TTC28: variants seen among roughly 807,000 people sequenced by gnomAD.
The protein encoded by TTC28 is tetratricopeptide repeat domain 28.
Under a neutral mutation model 198.0 loss-of-function variants are expected in TTC28, and 61 were observed. That is an observed-to-expected ratio of 0.31 (90% CI 0.25 to 0.38). The LOEUF is 0.38. TTC28 is among the 10% of genes least tolerant of loss of function. TTC28 has a pLI of 1.00. For synonymous variants in TTC28, 1,171 were observed against 1,297.8 expected, an observed-to-expected ratio of 0.90 and a Z score of 2.10; for missense variants, 2,678 against 3,164.0, an observed-to-expected ratio of 0.85 and a Z score of 3.69.
chr22:28,027,137 C>A (rs1180223944), intron 13 of TTC28, among the ~76,000 whole-genome samples: 1 of 152,146 alleles, frequency 6.6e-6, no homozygotes, highest in African/African-American at 2.4e-5. Context: ...CCTGCACATA[C>A]AAATACATAC....
At chr22:28,654,844 A>G (rs575069274) in intron 1 of TTC28, among the ~76,000 whole-genome samples, 12 of 152,320 alleles carry the variant, frequency 7.9e-5, no homozygotes, top group African/African-American at 2.9e-4. Flanking sequence ...TGACCTAGTC[A>G]CTTTTTAGGA....
At chr22:28,108,447 A>T (rs559770094) in intron 6 of TTC28, 44 bp from the exon 7 acceptor site, 1 of 1,380,940 alleles carries the variant, frequency 7.2e-7, no homozygotes, top group African/African-American at 1.5e-5. Context: ...GAAATAACTG[A>T]TTTGCAATGT....
At position 28,135,721 on chromosome 22, in the gene TTC28, G is replaced by A. The variant is rs151109435; in HGVS notation, c.1442-27318C>T. Among the ~76,000 whole-genome samples, 213 of 152,326 alleles carry A rather than the reference G, an allele frequency of 1.4e-3. 1 individual carries two copies. Among genetic ancestry groups the A allele is most frequent in the African/African-American group, 4.8e-3 (198 of 41,568 alleles). On this transcript the variant is annotated intron_variant, in intron 6 of 22. Coordinates refer to ENST00000397906, the MANE Select transcript of TTC28 (RefSeq NM_001145418.2). ...TACCTAAGAGAAGCAGGAAGAACAT[G>A]TGAAGCCAAGTTGGAAAGTGAAGGG... is the stretch of plus-strand genomic sequence containing the variant.
intron 2 of TTC28, among the ~76,000 whole-genome samples, chr22:28,355,056 G>A (rs2046055118): frequency 7.1e-6 from 1 of 141,490 alleles, no homozygotes; most frequent in Non-Finnish European, 1.5e-5. Context: ...AAAATAATAG[G>A]CAGTTGAAGA....
chr22:28,498,222 T>C (rs1307830449), intron 2 of TTC28, among the ~76,000 whole-genome samples: 1 of 151,696 alleles, frequency 6.6e-6, no homozygotes, highest in Non-Finnish European at 1.5e-5. Flanking sequence ...GAGGAGCCTA[T>C]CTTCCTTTAA....
rs996899340 is a variant in TTC28, at chr22:28,105,642, G to A, written c.2944C>T (p.Arg982Cys). ...NYEQAISCLERQLNIARDMKD... is the reference protein window; with the variant it reads ...NYEQAISCLECQLNIARDMKD... The stretch of plus-strand genomic sequence containing the variant: ...ATATCTCTAGCAATGTTCAGCTGGC[G>A]TTCAAGGCAGGAAATGGCTTGTTCG... Residue 982 changes from arginine to cysteine, a missense_variant, in exon 8 of 23, where the codon CGC becomes TGC. Transcript: ENST00000397906. 9.7e-6 allele frequency: 15 copies of A among 1,551,964 alleles called. No individual in the cohort carries two copies. The highest frequency in any genetic ancestry group is 1.4e-5 in the African/African-American group (1 of 73,030).
At chr22:28,088,929 G>T (rs1240644907) in intron 12 of TTC28, among the ~76,000 whole-genome samples, 1 of 152,178 alleles carries the variant, frequency 6.6e-6, no homozygotes, top group Non-Finnish European at 1.5e-5. Context: ...ACCATCACTG[G>T]CCATCAGAGA....
chr22:28,551,389 A>G (rs184973888), intron 2 of TTC28, among the ~76,000 whole-genome samples: 2 of 152,318 alleles, frequency 1.3e-5, no homozygotes. Flanking sequence ...TGAAGTCAGT[A>G]TAACCCTAAT....
rs1453115131 is a variant in TTC28, at chr22:28,458,502, G to A, written c.382-151859C>T. 4.6e-5 allele frequency among the ~76,000 whole-genome samples: 7 copies of A among 152,114 alleles called. 2 individuals carry two copies. Among genetic ancestry groups the A allele is most frequent in the Non-Finnish European group, 2.9e-5 (2 of 68,024 alleles). On this transcript the variant is annotated intron_variant, in intron 2 of 22. Transcript: ENST00000397906. ...AAGTTCTTAAACAAATCAGAATGTG[G>A]TAAAGACAAAAACATCTAAGATATG...
rs142155826 is a variant in TTC28 at position 28,606,266 on chromosome 22, T to C, written c.381+23286A>G. The stretch of plus-strand genomic sequence containing the variant: ...GCATGGCTTTTTCTTTTCTTTTTTA[T>C]CTTTAGTAGAGATGGGGTTTCACCA... On this transcript the variant is annotated intron_variant, in intron 2 of 22. Coordinates refer to ENST00000397906, the MANE Select transcript of TTC28 (RefSeq NM_001145418.2). Among the ~76,000 whole-genome samples, 1,463 of 152,040 alleles carry C rather than the reference T, an allele frequency of 9.6e-3. 25 individuals carry two copies. The highest frequency in any genetic ancestry group is 0.033 in the African/African-American group (1,364 of 41,466).
intron 3 of TTC28, among the ~76,000 whole-genome samples, chr22:28,303,237 T>C (rs1208142730): frequency 6.6e-6 from 1 of 152,216 alleles, no homozygotes; most frequent in Non-Finnish European, 1.5e-5. Flanking sequence ...AATAGTATGC[T>C]ACAACACCCA....
chr22:28,403,401 G>A (rs967654001), intron 2 of TTC28, among the ~76,000 whole-genome samples: 8 of 152,178 alleles, frequency 5.3e-5, no homozygotes, highest in Non-Finnish European at 1.5e-5. Context: ...GAATGGGCAG[G>A]TGGATTCCAT....
At chr22:28,529,403 G>T (rs1016574334) in intron 2 of TTC28, among the ~76,000 whole-genome samples, 3 of 152,200 alleles carry the variant, frequency 2.0e-5, no homozygotes, top group Non-Finnish European at 2.9e-5. Flanking sequence ...AAACAAAGTG[G>T]CCTGGAAGCT....
At chr22:28,110,431 G>A (rs965510770) in intron 6 of TTC28, among the ~76,000 whole-genome samples, 2 of 152,164 alleles carry the variant, frequency 1.3e-5, no homozygotes, top group Non-Finnish European at 2.9e-5. Context: ...AATAATGTAT[G>A]TGCAAGAGCA....
chr22:28,460,847 C>A (rs2047940157), intron 2 of TTC28, among the ~76,000 whole-genome samples: 1 of 152,072 alleles, frequency 6.6e-6, no homozygotes, highest in Non-Finnish European at 1.5e-5. Flanking sequence ...CCACACCTGA[C>A]TAATTTGTAA....
chr22:28,473,614 T>C (rs187295115), intron 2 of TTC28, among the ~76,000 whole-genome samples: 6 of 152,302 alleles, frequency 3.9e-5, no homozygotes, highest in Non-Finnish European at 5.9e-5. Flanking sequence ...AGCTGCTACT[T>C]GGGAAACACT....
chr22:28,066,037 G>A (rs879871061), intron 12 of TTC28, among the ~76,000 whole-genome samples: 5 of 152,068 alleles, frequency 3.3e-5, no homozygotes, highest in Non-Finnish European at 7.4e-5. Flanking sequence ...CCCCTTGTAC[G>A]CACAATATTT....
chr22:28,060,248 T>A lies in TTC28; in HGVS notation c.3933-29882A>T, dbSNP rs992315993. ...TTCTCCTAATGCTATCCTTCCCCCA[T>A]CCCCCAACCCCACGACAGGCTCCGG... On this transcript the variant is annotated intron_variant, in intron 12 of 22. Coordinates refer to ENST00000397906, the MANE Select transcript of TTC28 (RefSeq NM_001145418.2). 7.2e-5 allele frequency among the ~76,000 whole-genome samples: 11 copies of A among 152,038 alleles called. No homozygotes were observed. The East Asian group carries it at 2.1e-3, about 29-fold the overall frequency.
chr22:28,184,746 G>A (rs915711035), intron 5 of TTC28, among the ~76,000 whole-genome samples: 2 of 151,904 alleles, frequency 1.3e-5, no homozygotes, highest in African/African-American at 4.8e-5. Flanking sequence ...TTTTTCAGTG[G>A]TATGCTTGTT....
Sources: gnomAD v4.1 joint callset for allele counts (sites outside exome capture counted in the v4.1 genomes callset) on GRCh38, gnomAD v4.1.1 for gene constraint, MANE v1.5 for transcripts, NCBI Gene and HGNC (gene_info 2026-07-23, HGNC 2026-07-21) for gene names.